The following ARB2A variants were observed in gnomAD, a reference collection of about 807,000 sequenced individuals.
The protein encoded by ARB2A is cotranscriptional regulator ARB2A.
chr5:94,102,511 A>G, the ARB2A span, among the ~76,000 whole-genome samples: 1 of 152,156 alleles, frequency 6.6e-6, no homozygotes, highest in Admixed American at 6.5e-5. Flanking sequence ...ATCTCCAAAA[A>G]ACATGGGATT....
At chr5:93,851,431 T>G in the ARB2A span, among the ~76,000 whole-genome samples, 1 of 152,160 alleles carries the variant, frequency 6.6e-6, no homozygotes, top group Non-Finnish European at 1.5e-5. Context: ...GCAGCATACG[T>G]AACATTGCAT....
chr5:94,035,588 G>A, the ARB2A span, among the ~76,000 whole-genome samples: 578 of 152,070 alleles, frequency 3.8e-3, 5 homozygotes, highest in Non-Finnish European at 7.0e-3. Flanking sequence ...GCAAAGTAAG[G>A]ACCTGGAGCC....
the ARB2A span, among the ~76,000 whole-genome samples, chr5:93,813,344 G>A: frequency 6.6e-6 from 1 of 152,160 alleles, no homozygotes; most frequent in Non-Finnish European, 1.5e-5. Flanking sequence ...ATATTTAGCT[G>A]AGGAGATTTC....
At chr5:93,771,165 T>A in the ARB2A span, among the ~76,000 whole-genome samples, 1 of 151,898 alleles carries the variant, frequency 6.6e-6, no homozygotes, top group African/African-American at 2.4e-5. Flanking sequence ...TCTACAACTA[T>A]CTGATCTTTG....
At chr5:93,724,237 C>T in the ARB2A span, among the ~76,000 whole-genome samples, 2 of 151,624 alleles carry the variant, frequency 1.3e-5, no homozygotes, top group Non-Finnish European at 2.9e-5. Flanking sequence ...AAAATAGACA[C>T]AGTAGGGAGC....
At chr5:93,789,559 G>A in the ARB2A span, among the ~76,000 whole-genome samples, 1 of 152,128 alleles carries the variant, frequency 6.6e-6, no homozygotes, top group African/African-American at 2.4e-5. Context: ...CAGTTTTTAT[G>A]TGGTTTAATA....
the ARB2A span, among the ~76,000 whole-genome samples, chr5:94,106,503 C>G: frequency 1.3e-5 from 2 of 151,872 alleles, no homozygotes; most frequent in African/African-American, 2.4e-5. Context: ...GTGGAGAAAA[C>G]TGAATGCTTA....
chr5:93,914,372 A>T, the ARB2A span, among the ~76,000 whole-genome samples: 2 of 151,992 alleles, frequency 1.3e-5, no homozygotes, highest in African/African-American at 4.8e-5. Flanking sequence ...AACAATGTTG[A>T]AAGTGTCAGT....
At chr5:93,844,908 G>A in the ARB2A span, among the ~76,000 whole-genome samples, 1 of 152,154 alleles carries the variant, frequency 6.6e-6, no homozygotes, top group African/African-American at 2.4e-5. Flanking sequence ...GCCCATTCAC[G>A]CTTTGCTGCA....
At chr5:93,941,670 T>C in the ARB2A span, among the ~76,000 whole-genome samples, 3 of 152,280 alleles carry the variant, frequency 2.0e-5, no homozygotes, top group South Asian at 6.2e-4. Flanking sequence ...CAAATTATAA[T>C]TTTAACCAAT....
At chr5:93,754,910 T>C in the ARB2A span, among the ~76,000 whole-genome samples, 1 of 152,202 alleles carries the variant, frequency 6.6e-6, no homozygotes, top group Non-Finnish European at 1.5e-5. Context: ...GTGTAATATT[T>C]TGTGACCCTT....
the ARB2A span, among the ~76,000 whole-genome samples, chr5:93,632,474 G>C: frequency 6.6e-6 from 1 of 152,224 alleles, no homozygotes; most frequent in Non-Finnish European, 1.5e-5. Flanking sequence ...GATTCAGGGA[G>C]ATGTGCATTC....
the ARB2A span, among the ~76,000 whole-genome samples, chr5:93,857,187 C>A: frequency 6.6e-6 from 1 of 151,914 alleles, no homozygotes; most frequent in Non-Finnish European, 1.5e-5. Flanking sequence ...TGTCAGTCTG[C>A]CCCTACTGGG....
the ARB2A span, among the ~76,000 whole-genome samples, chr5:93,773,780 G>C: frequency 1.3e-5 from 2 of 152,120 alleles, no homozygotes; most frequent in Admixed American, 1.3e-4. Flanking sequence ...TGTGATTAGA[G>C]ATGGGGTCTT....
At chr5:93,782,659 C>T in the ARB2A span, among the ~76,000 whole-genome samples, 1 of 152,044 alleles carries the variant, frequency 6.6e-6, no homozygotes, top group African/African-American at 2.4e-5. Context: ...TTTAAAGTGC[C>T]AAGAACTGTG....
chr5:93,824,394 AAAT>A, the ARB2A span: 1 of 513,066 alleles, frequency 1.9e-6, no homozygotes, highest in Non-Finnish European at 3.1e-6. Flanking sequence ...TTCAAAATAA[AAAT>A]AATATAAAAG....
At chr5:93,645,645 G>T in the ARB2A span, among the ~76,000 whole-genome samples, 1 of 151,682 alleles carries the variant, frequency 6.6e-6, no homozygotes, top group African/African-American at 2.4e-5. Context: ...ACAGGATGAT[G>T]CAACCCCAAG....
At chr5:94,086,697 T>G in the ARB2A span, among the ~76,000 whole-genome samples, 1 of 151,984 alleles carries the variant, frequency 6.6e-6, no homozygotes, top group African/African-American at 2.4e-5. Context: ...AGATTACAGG[T>G]GCCCGCCACC....
chr5:93,778,646 T>C, the ARB2A span, among the ~76,000 whole-genome samples: 2 of 152,168 alleles, frequency 1.3e-5, no homozygotes, highest in African/African-American at 2.4e-5. Flanking sequence ...TTTTAATTAT[T>C]ATTCATCCAA....
Sources: gnomAD v4.1 joint callset for allele counts (sites outside exome capture counted in the v4.1 genomes callset) on GRCh38, gnomAD v4.1.1 for gene constraint, MANE v1.5 for transcripts, NCBI Gene and HGNC (gene_info 2026-07-23, HGNC 2026-07-21) for gene names.